ARMC3: variants seen among roughly 807,000 people sequenced by gnomAD.
The protein encoded by ARMC3 is armadillo repeat containing 3.
A neutral mutation model predicts 90.3 loss-of-function variants in ARMC3; 74 were observed. The observed-to-expected ratio is 0.82, with a 90% CI of 0.68 to 0.99. The LOEUF (loss-of-function observed/expected upper bound fraction) is 0.99, where lower values mean the gene tolerates loss of function less well. Ranked by LOEUF, ARMC3 falls within the 50% of genes least tolerant of loss-of-function variation. ARMC3 has a pLI of 0.00. For missense variants in ARMC3, 958 were observed against 1,042.8 expected, an observed-to-expected ratio of 0.92 and a Z score of 1.12; for synonymous variants, 334 against 361.8, an observed-to-expected ratio of 0.92 and a Z score of 0.87.
rs542916046 is a variant in ARMC3, at chr10:23,027,874, C to G, written c.2046-2722C>G. Among the ~76,000 whole-genome samples, 42 of 152,222 alleles carry G rather than the reference C, an allele frequency of 2.8e-4. No individual in the cohort carries two copies. In the South Asian group the frequency reaches 4.4e-3, roughly 16 times the overall value. On this transcript the variant is annotated intron_variant, in intron 16 of 18. Transcript: ENST00000298032. ...TTTGTTTTCTATCCAGGCACGGTGG[C>G]TCAAACCTGTAATCGCAGCATTTTG...
chr10:22,955,583 G>A (rs904444873), intron 3 of ARMC3, among the ~76,000 whole-genome samples: 1 of 152,182 alleles, frequency 6.6e-6, no homozygotes, highest in Non-Finnish European at 1.5e-5. Context: ...TGCAATGTGA[G>A]CTCAGAACTG....
intron 10 of ARMC3, among the ~76,000 whole-genome samples, chr10:22,987,666 G>T (rs918507694): frequency 6.6e-6 from 1 of 152,178 alleles, no homozygotes; most frequent in East Asian, 1.9e-4. Context: ...TAAGTCCCTT[G>T]TTTACACATA....
At chr10:22,990,642 C>T (rs909623984) in intron 10 of ARMC3, among the ~76,000 whole-genome samples, 6 of 152,122 alleles carry the variant, frequency 3.9e-5, no homozygotes, top group African/African-American at 7.2e-5. Context: ...AACCAAGGCC[C>T]GGTGCTTACT....
rs35508443 is a variant in ARMC3 at position 22,963,922 on chromosome 10, CAAAAAA to C, written c.732+1867_732+1872del. 9.6e-3 allele frequency among the ~76,000 whole-genome samples: 557 copies of C among 58,218 alleles called. 4 individuals are homozygous for C. Among genetic ancestry groups the C allele is most frequent in the Non-Finnish European group, 9.1e-3 (316 of 34,666 alleles). The allele number at this position is 58,218 out of a possible 152,430, so 38.2% of individuals were successfully genotyped here. ...ACACACACACACACACACACACACA[CAAAAAA>C]AAAAAAAAAAAAAAAAAAAAAAGAC... is the stretch of plus-strand genomic sequence containing the variant. On this transcript the variant is annotated intron_variant, in intron 7 of 18. Transcript: ENST00000298032.
chr10:22,978,110 C>A (rs1236142116), intron 8 of ARMC3, among the ~76,000 whole-genome samples: 1 of 152,214 alleles, frequency 6.6e-6, no homozygotes. Flanking sequence ...GCCAGATCTA[C>A]CATATCCACC....
intron 8 of ARMC3, among the ~76,000 whole-genome samples, chr10:22,971,792 T>C (rs888306565): frequency 1.3e-5 from 2 of 152,128 alleles, no homozygotes; most frequent in African/African-American, 2.4e-5. Context: ...GTAGCAGCTG[T>C]ACCATTTTAC....
chr10:22,934,557 G>A (rs12249802), intron 2 of ARMC3, among the ~76,000 whole-genome samples: 3,396 of 152,272 alleles, frequency 0.022, 119 homozygotes, highest in African/African-American at 0.077. Flanking sequence ...GCATGATTTA[G>A]TATAAGGCGA....
rs538080461 is a variant in ARMC3 at position 23,014,323 on chromosome 10, G to A, written c.2045+5392G>A. 109 of 1,406,750 alleles carry A rather than the reference G, an allele frequency of 7.7e-5. 1 individual carries two copies. Among genetic ancestry groups the A allele is most frequent in the African/African-American group, 4.0e-4 (28 of 69,244 alleles). 87.1% of individuals were successfully genotyped at this position (1,406,750 alleles called of 1,614,324 possible). A position where few individuals can be genotyped will look rare whatever the true frequency, so the allele number is the denominator to read the frequency against. ...TAGCACACTTAGGGGCTCAATGTGC[G>A]TCCCTTCTCTCTTCCCTTCTTAGCC... On this transcript the variant is annotated intron_variant, in intron 16 of 18. Transcript: ENST00000298032.
intron 2 of ARMC3, among the ~76,000 whole-genome samples, chr10:22,940,077 A>G (rs890978819): frequency 6.6e-6 from 1 of 152,228 alleles, no homozygotes; most frequent in African/African-American, 2.4e-5. Flanking sequence ...TAAAAACATG[A>G]AAAAAGATAT....
At chr10:22,959,279 A>G (rs1835091005) in intron 5 of ARMC3, 120 bp from the exon 6 acceptor site, 1 of 1,330,526 alleles carries the variant, frequency 7.5e-7, no homozygotes. Context: ...TGAGTTTATA[A>G]AAGAGGTGAG....
At chr10:23,031,485 C>G (rs541335445) in intron 17 of ARMC3, among the ~76,000 whole-genome samples, 15 of 152,318 alleles carry the variant, frequency 9.8e-5, no homozygotes, top group African/African-American at 3.4e-4. Context: ...TCCATGGGAG[C>G]TTGCATCTCC....
chr10:22,933,089 C>T (rs1833989826), intron 2 of ARMC3, among the ~76,000 whole-genome samples: 1 of 152,332 alleles, frequency 6.6e-6, no homozygotes, highest in South Asian at 2.1e-4. Context: ...ACTTGCACCC[C>T]TGTGCAATCC....
Position 22,998,318 on chromosome 10 carries a change from G to A in ARMC3, c.1346G>A (p.Arg449His), listed in dbSNP as rs199547387. 70 of 1,613,246 alleles carry A rather than the reference G, an allele frequency of 4.3e-5. No homozygotes were observed. The Admixed American group carries it at 5.5e-4, about 13-fold the overall frequency. ...ATGCATGCCATCATCAGCCCACTGC[G>A]TTCTGCAAACACAGTCGTGCAGAGC... ...DIMHAIISPL[R>H]SANTVVQSKA... The change falls in exon 11 of 19, where the codon CGT (arginine) becomes CAT (histidine). Residue 449 changes from arginine to histidine, a missense_variant. Physicochemically the swap from Arg to His is conservative, Grantham distance 29. Transcript: ENST00000298032.
At chr10:22,976,396 G>A (rs759696544) in intron 8 of ARMC3, among the ~76,000 whole-genome samples, 3 of 152,140 alleles carry the variant, frequency 2.0e-5, no homozygotes, top group Non-Finnish European at 2.9e-5. Flanking sequence ...TCTCAACTCC[G>A]AAATCCTGCA....
At chr10:23,000,798 G>C (rs1837246571) in intron 11 of ARMC3, among the ~76,000 whole-genome samples, 1 of 152,202 alleles carries the variant, frequency 6.6e-6, no homozygotes, top group Non-Finnish European at 1.5e-5. Flanking sequence ...AGATTCCACA[G>C]GGATCCTGTC....
intron 16 of ARMC3, among the ~76,000 whole-genome samples, chr10:23,025,888 A>T (rs1838697256): frequency 6.6e-6 from 1 of 152,124 alleles, no homozygotes. Flanking sequence ...TGCCAAGACC[A>T]GGAATGAAAG....
intron 7 of ARMC3, among the ~76,000 whole-genome samples, chr10:22,963,615 G>T (rs1432417952): frequency 6.6e-6 from 1 of 152,006 alleles, no homozygotes; most frequent in African/African-American, 2.4e-5. Context: ...ACTGGGGCCA[G>T]GCACGGTGGC....
At chr10:23,008,746 A>G (rs978439453) in intron 15 of ARMC3, 69 bp from the exon 16 acceptor site, 1 of 1,290,088 alleles carries the variant, frequency 7.8e-7, no homozygotes. Flanking sequence ...TAAGCTCTAA[A>G]TGCAAATGTA....
intron 2 of ARMC3, among the ~76,000 whole-genome samples, chr10:22,939,707 C>T (rs1019944037): frequency 3.9e-5 from 6 of 152,090 alleles, no homozygotes; most frequent in African/African-American, 4.8e-5. Context: ...AGATGCTCAG[C>T]TACATAATTT....
Sources: allele counts gnomAD v4.1 joint callset (sites outside exome capture counted in the v4.1 genomes callset), GRCh38; gene constraint gnomAD v4.1.1; transcripts MANE v1.5; gene names NCBI Gene and HGNC (gene_info 2026-07-23, HGNC 2026-07-21).